Variants in ETFA observed in about 807,000 individuals in gnomAD.
The protein encoded by ETFA is electron transfer flavoprotein subunit alpha, also known as electron transfer flavoprotein subunit alpha, mitochondrial.
ETFA carries 22 observed loss-of-function variants against 46.2 expected under a neutral mutation model. That is an observed-to-expected ratio of 0.48 (90% CI 0.34 to 0.68). ETFA has a LOEUF of 0.68. Ranked by LOEUF, ETFA falls within the 30% of genes least tolerant of loss-of-function variation. The pLI is 0.01. For synonymous variants in ETFA, 131 were observed against 139.9 expected (o/e 0.94, Z 0.45); for missense variants, 345 against 401.1 (o/e 0.86, Z 1.19).
chr15:76,309,379 A>G (rs1054311150), intron 1 of ETFA, among the ~76,000 whole-genome samples: 1 of 152,202 alleles, frequency 6.6e-6, no homozygotes, highest in Non-Finnish European at 1.5e-5. Context: ...TGAACCCGGG[A>G]GGCGGAGCTT....
intron 9 of ETFA, among the ~76,000 whole-genome samples, chr15:76,241,220 G>T (rs1317544566): frequency 6.6e-6 from 1 of 152,128 alleles, no homozygotes; most frequent in Non-Finnish European, 1.5e-5. Context: ...TTATTTGAAG[G>T]CTGGGTGCAG....
In ETFA at chr15:76,217,526, A is replaced by C. The variant is rs553281784; in HGVS notation, c.964-929T>G. The C allele has an allele frequency of 6.7e-5, 28 of 420,662 alleles. No homozygotes were observed. The East Asian group carries it at 2.0e-3, about 30-fold the overall frequency. The allele number at this position is 420,662 out of a possible 1,614,324, so 26.1% of individuals were successfully genotyped here. On this transcript the variant is annotated intron_variant, in intron 11 of 11. Coordinates refer to ENST00000557943, the MANE Select transcript of ETFA (RefSeq NM_000126.4). ...GGCCGGTCAGCAGACACAGTAAGAA[A>C]CCACAGCAAGGGGAAATGGCCTGAG...
At chr15:76,234,580 G>T in intron 9 of ETFA, among the ~76,000 whole-genome samples, 1 of 152,130 alleles carries the variant, frequency 6.6e-6, no homozygotes, top group East Asian at 1.9e-4. Flanking sequence ...GGACGGTGGG[G>T]ATTAAAGGAA....
intron 8 of ETFA, among the ~76,000 whole-genome samples, chr15:76,277,504 C>A (rs28793631): frequency 2.7e-5 from 4 of 149,728 alleles, no homozygotes; most frequent in African/African-American, 4.9e-5. Context: ...AAAACAAAAA[C>A]AAAAAAAAAA....
chr15:76,304,087 A>G (rs1320569105), intron 1 of ETFA, among the ~76,000 whole-genome samples: 1 of 152,244 alleles, frequency 6.6e-6, no homozygotes, highest in East Asian at 1.9e-4. Context: ...GTATATATAC[A>G]CCATGGAATA....
chr15:76,267,178 T>C (rs1567209463), intron 9 of ETFA, among the ~76,000 whole-genome samples: 1 of 152,216 alleles, frequency 6.6e-6, no homozygotes, highest in Non-Finnish European at 1.5e-5. Context: ...TTTTTAGTTT[T>C]TCCTACTAAG....
chr15:76,273,423 G>A (rs2039559736), intron 9 of ETFA, among the ~76,000 whole-genome samples: 1 of 152,058 alleles, frequency 6.6e-6, no homozygotes, highest in Admixed American at 6.5e-5. Context: ...AGGCATGGTG[G>A]TGGGCGCCTG....
intron 9 of ETFA, among the ~76,000 whole-genome samples, chr15:76,250,426 T>C (rs1331373725): frequency 3.3e-5 from 5 of 152,186 alleles, no homozygotes; most frequent in Admixed American, 1.3e-4. Flanking sequence ...CTCTAAATCA[T>C]TCATCATATT....
chr15:76,269,309 A>G (rs1341353985), intron 9 of ETFA, among the ~76,000 whole-genome samples: 2 of 152,196 alleles, frequency 1.3e-5, no homozygotes, highest in African/African-American at 4.8e-5. Flanking sequence ...AGAGTTTTGG[A>G]ATATGTCTGG....
rs35290919 is a variant in ETFA, at chr15:76,306,267, C to CTTTTTTTTTTTTT, written c.39+5070_39+5082dup. ...AGGGCAGGGGAGGGTTTTTTTGCTTCTTTTTTTTTTTTTTTTTGAGACAGA... is the reference window on the plus strand; with the variant it reads ...AGGGCAGGGGAGGGTTTTTTTGCTTCTTTTTTTTTTTTTTTTTTTTTTTTTTTTTTGAGACAGA... On this transcript the variant is annotated intron_variant, in intron 1 of 11. Transcript: ENST00000557943. Among the ~76,000 whole-genome samples the CTTTTTTTTTTTTT allele has an allele frequency of 3.4e-3, 373 of 109,376 alleles. 15 individuals carry two copies. The highest frequency in any genetic ancestry group is 8.8e-3 in the East Asian group (25 of 2,854). 71.8% of individuals were successfully genotyped at this position (109,376 alleles called of 152,430 possible). A position where few individuals can be genotyped will look rare whatever the true frequency, so the allele number is the denominator to read the frequency against.
intron 2 of ETFA, among the ~76,000 whole-genome samples, chr15:76,293,116 G>A (rs1238549845): frequency 3.9e-5 from 6 of 152,120 alleles, no homozygotes; most frequent in East Asian, 3.8e-4. Context: ...CAGACTGGGC[G>A]AAAGAGTGAA....
chr15:76,295,782 C>G lies in ETFA; in HGVS notation c.40-45G>C, dbSNP rs112463987. On this transcript the variant is annotated intron_variant, in intron 1 of 11. Transcript: ENST00000557943. ...AAAAAAAAGGTAAAGAATGTTGTCA[C>G]AGGGTTTTTTTTTTTTTTTTTACTA... 444 of 1,391,048 alleles carry G rather than the reference C, an allele frequency of 3.2e-4. 4 individuals are homozygous for G. In the African/African-American group the frequency reaches 6.1e-3, roughly 19 times the overall value. The allele number at this position is 1,391,048 out of a possible 1,614,324, so 86.2% of individuals were successfully genotyped here. A position where few individuals can be genotyped will look rare whatever the true frequency, so the allele number is the denominator to read the frequency against.
chr15:76,273,726 A>AT (rs1360449022), intron 9 of ETFA, among the ~76,000 whole-genome samples: 2 of 117,766 alleles, frequency 1.7e-5, no homozygotes, highest in Non-Finnish European at 4.3e-5. Context: ...TTTGAAATAT[A>AT]TAAAAAACAT....
intron 11 of ETFA, among the ~76,000 whole-genome samples, chr15:76,222,703 G>C (rs1233552263): frequency 6.6e-6 from 1 of 152,176 alleles, no homozygotes; most frequent in Non-Finnish European, 1.5e-5. Flanking sequence ...CCTGTGGATT[G>C]TCCCAAATCA....
In ETFA at chr15:76,225,829, T is replaced by C; in HGVS notation, c.963+20A>G. 1.3e-6 allele frequency: 2 copies of C among 1,495,880 alleles called. No homozygotes were observed. Among genetic ancestry groups the C allele is most frequent in the Non-Finnish European group, 1.9e-6 (2 of 1,072,350 alleles). The allele number at this position is 1,495,880 out of a possible 1,614,324, so 92.7% of individuals were successfully genotyped here. ...GGATGACAATCTAGATAATAGCAAT[T>C]TCTCTCAAGGCCAGCTTACCTTAAA... On this transcript the variant is annotated intron_variant, in intron 11 of 11. Coordinates refer to ENST00000557943, the MANE Select transcript of ETFA (RefSeq NM_000126.4).
intron 9 of ETFA, among the ~76,000 whole-genome samples, chr15:76,255,891 C>T (rs923787389): frequency 3.3e-5 from 5 of 151,852 alleles, no homozygotes; most frequent in Non-Finnish European, 5.9e-5. Context: ...TTCATGGCCA[C>T]ATACTCACAG....
intron 8 of ETFA, 85 bp from the exon 9 acceptor site, chr15:76,274,579 A>T: frequency 9.3e-7 from 1 of 1,077,634 alleles, no homozygotes; most frequent in African/African-American, 1.6e-5. Flanking sequence ...AAACAAAGAC[A>T]TTGATTTAGA....
chr15:76,302,898 G>C (rs3991792), intron 1 of ETFA, among the ~76,000 whole-genome samples: 43,156 of 151,978 alleles, frequency 0.28, 6,588 homozygotes, highest in East Asian at 0.58. Context: ...CCAGGCTGGC[G>C]TCCAATTCCT....
chr15:76,232,864 C>A (rs2039083642), intron 9 of ETFA, among the ~76,000 whole-genome samples: 2 of 152,206 alleles, frequency 1.3e-5, no homozygotes, highest in African/African-American at 4.8e-5. Context: ...TCCCTCAGCT[C>A]TTTGGCAGCC....
Sources: gnomAD v4.1 joint callset for allele counts (sites outside exome capture counted in the v4.1 genomes callset) on GRCh38, gnomAD v4.1.1 for gene constraint, MANE v1.5 for transcripts, NCBI Gene and HGNC (gene_info 2026-07-23, HGNC 2026-07-21) for gene names.